Variants in VTI1A observed in about 807,000 individuals in gnomAD.
VTI1A encodes vesicle transport through interaction with t-SNAREs homolog 1A.
A neutral mutation model predicts 34.9 loss-of-function variants in VTI1A; 22 were observed. That is an observed-to-expected ratio of 0.63 (90% CI 0.45 to 0.90). The LOEUF is 0.90. Ranked by LOEUF, VTI1A falls within the 40% of genes least tolerant of loss-of-function variation. VTI1A has a pLI of 0.00. For missense variants in VTI1A, 268 were observed against 275.6 expected, an observed-to-expected ratio of 0.97 and a Z score of 0.20; for synonymous variants, 87 against 97.3, an observed-to-expected ratio of 0.89 and a Z score of 0.62.
intron 3 of VTI1A, among the ~76,000 whole-genome samples, chr10:112,498,597 C>A (rs558840605): frequency 6.6e-6 from 1 of 151,830 alleles, no homozygotes; most frequent in Non-Finnish European, 1.5e-5. Context: ...CCATAATTTG[C>A]AAATATATTT....
At chr10:112,814,035 G>C (rs563305933) in intron 7 of VTI1A, among the ~76,000 whole-genome samples, 1 of 152,364 alleles carries the variant, frequency 6.6e-6, no homozygotes, top group Non-Finnish European at 1.5e-5. Context: ...GTTTGGAGAA[G>C]AAGGGGATGG....
chr10:112,712,806 CACA>C (rs1382042726), intron 7 of VTI1A, among the ~76,000 whole-genome samples: 1 of 152,164 alleles, frequency 6.6e-6, no homozygotes, highest in African/African-American at 2.4e-5. Context: ...ATGTTGATTC[CACA>C]ACATCTCATT....
chr10:112,546,819 C>T (rs1449412683), intron 5 of VTI1A, among the ~76,000 whole-genome samples: 1 of 152,086 alleles, frequency 6.6e-6, no homozygotes, highest in Non-Finnish European at 1.5e-5. Context: ...TATTTTCCAC[C>T]CAAACCTTAT....
upstream of VTI1A, chr10:112,447,027 G>A (rs978184660): frequency 1.0e-4 from 28 of 280,656 alleles, no homozygotes; most frequent in African/African-American, 5.7e-4. Context: ...ATCCGGAGCC[G>A]ATTCCCAGAA....
At chr10:112,830,849 A>ATATATATATATATATATATTTTTTTTT in the VTI1A span, among the ~76,000 whole-genome samples, 5 of 33,508 alleles carry the variant, frequency 1.5e-4, no homozygotes, top group African/African-American at 5.7e-4. Context: ...ATATATATAT[A>ATATATATATATATATATATTTTTTTTT]TTTTTTTTTT....
chr10:112,839,154 C>T, the VTI1A span, among the ~76,000 whole-genome samples: 860 of 152,264 alleles, frequency 5.6e-3, 9 homozygotes, highest in African/African-American at 0.02. Flanking sequence ...GGGATGGAGT[C>T]GAAACTCACT....
intron 7 of VTI1A, among the ~76,000 whole-genome samples, chr10:112,722,229 T>C (rs1849835252): frequency 6.6e-6 from 1 of 152,208 alleles, no homozygotes; most frequent in African/African-American, 2.4e-5. Context: ...ACAAGGGATC[T>C]ATATTCAGAT....
chr10:112,732,012 C>G (rs1850282544), intron 7 of VTI1A, among the ~76,000 whole-genome samples: 1 of 151,714 alleles, frequency 6.6e-6, no homozygotes, highest in Non-Finnish European at 1.5e-5. Context: ...TAATAAAATG[C>G]ATTACCCTTT....
rs553877906 is a variant in VTI1A at position 112,633,629 on chromosome 10, CA to C, written c.428-34584del. 2.0e-4 allele frequency among the ~76,000 whole-genome samples: 31 copies of C among 152,164 alleles called. No individual in the cohort carries two copies. The East Asian group carries it at 6.0e-3, about 30-fold the overall frequency. On this transcript the variant is annotated intron_variant, in intron 5 of 7. Transcript: ENST00000393077. ...GTGGTGAGGAAAAGGGCATTGCCCC[CA>C]AAAAGTAATGTCTCCCATGCAGAGA...
chr10:112,592,782 A>C (rs2134438684), intron 5 of VTI1A, among the ~76,000 whole-genome samples: 1 of 152,360 alleles, frequency 6.6e-6, no homozygotes, highest in Admixed American at 6.5e-5. Flanking sequence ...GGCAAATAAA[A>C]CTGGATGTTA....
At chr10:112,676,434 T>G (rs951356536) in intron 7 of VTI1A, among the ~76,000 whole-genome samples, 1 of 152,136 alleles carries the variant, frequency 6.6e-6, no homozygotes, top group Non-Finnish European at 1.5e-5. Context: ...TTCCCTTCTT[T>G]TGCCCTTTTG....
At chr10:112,780,017 T>C (rs1852068750) in intron 7 of VTI1A, among the ~76,000 whole-genome samples, 2 of 151,234 alleles carry the variant, frequency 1.3e-5, no homozygotes, top group Non-Finnish European at 2.9e-5. Flanking sequence ...GTATGGCAGA[T>C]TACAGCTCAC....
rs1852044383 is a variant in VTI1A, at chr10:112,569,640, A to T, written c.427+31310A>T. 3.9e-5 allele frequency among the ~76,000 whole-genome samples: 6 copies of T among 152,212 alleles called. No homozygotes were observed. In the South Asian group the frequency reaches 1.2e-3, roughly 32 times the overall value. On this transcript the variant is annotated intron_variant, in intron 5 of 7. Transcript: ENST00000393077. ...GTGAGGACTGACAAGCGAAGAGGGTATCCTGGGAAAACTTTGGAAGGTGGT... is the reference window on the plus strand; with the variant it reads ...GTGAGGACTGACAAGCGAAGAGGGTTTCCTGGGAAAACTTTGGAAGGTGGT...
intron 5 of VTI1A, among the ~76,000 whole-genome samples, chr10:112,545,245 G>T (rs1198620297): frequency 6.6e-6 from 1 of 152,142 alleles, no homozygotes; most frequent in African/African-American, 2.4e-5. Flanking sequence ...CTTTTGTAAG[G>T]CTATCCCCAA....
At chr10:112,610,195 G>C (rs1845244615) in intron 5 of VTI1A, among the ~76,000 whole-genome samples, 1 of 147,436 alleles carries the variant, frequency 6.8e-6, no homozygotes, top group Admixed American at 6.7e-5. Context: ...TTTTCCTCAA[G>C]TTTTTTCAAG....
intron 5 of VTI1A, among the ~76,000 whole-genome samples, chr10:112,592,760 A>G (rs577271715): frequency 6.6e-6 from 1 of 152,376 alleles, no homozygotes; most frequent in African/African-American, 2.4e-5. Context: ...TCAGCAAATT[A>G]TGAGGATATA....
At chr10:112,661,022 C>T (rs1847425684) in intron 5 of VTI1A, among the ~76,000 whole-genome samples, 1 of 152,036 alleles carries the variant, frequency 6.6e-6, no homozygotes, top group African/African-American at 2.4e-5. Flanking sequence ...AGTCTGTCAC[C>T]CAGGCCGGAG....
At chr10:112,706,102 A>G (rs1849188854) in intron 7 of VTI1A, among the ~76,000 whole-genome samples, 2 of 152,206 alleles carry the variant, frequency 1.3e-5, no homozygotes, top group Admixed American at 6.5e-5. Flanking sequence ...TTTCGTAGCC[A>G]ATATTTGAAA....
At chr10:112,604,663 T>A (rs1334787056) in intron 5 of VTI1A, among the ~76,000 whole-genome samples, 3 of 152,224 alleles carry the variant, frequency 2.0e-5, no homozygotes, top group South Asian at 2.1e-4. Flanking sequence ...TATTCCTGTA[T>A]ACGAGTCTAT....
Sources: gnomAD v4.1 joint callset for allele counts (sites outside exome capture counted in the v4.1 genomes callset) on GRCh38, gnomAD v4.1.1 for gene constraint, MANE v1.5 for transcripts, NCBI Gene and HGNC (gene_info 2026-07-23, HGNC 2026-07-21) for gene names.